The following QRICH1 variants were observed in gnomAD, a reference collection of about 807,000 sequenced individuals.
QRICH1 encodes the protein glutamine rich 1, also known as transcriptional regulator QRICH1.
QRICH1 carries 16 observed loss-of-function variants against 87.1 expected under a neutral mutation model. That is an observed-to-expected ratio of 0.18 (90% confidence interval 0.12 to 0.28). QRICH1 has a LOEUF of 0.28. QRICH1 is among the 10% of genes least tolerant of loss of function. The probability of loss-of-function intolerance (pLI) is 1.00; values close to 1 mark genes in which losing one functional copy is unlikely to be tolerated. For synonymous variants in QRICH1, 367 were observed against 368.4 expected, an observed-to-expected ratio of 1.00 and a Z score of 0.05; for missense variants, 647 against 951.7, an observed-to-expected ratio of 0.68 and a Z score of 4.21.
chr3:49,031,196 C>T (rs931254491), intron 9 of QRICH1, among the ~76,000 whole-genome samples: 2 of 151,982 alleles, frequency 1.3e-5, no homozygotes, highest in African/African-American at 4.8e-5. Context: ...CCATGTTGGC[C>T]AGGCTGGTCT....
rs1462907238 is a variant in QRICH1 at position 49,046,572 on chromosome 3, T to C, written c.1524A>G (p.Gln508=). Residue 508 remains glutamine, a synonymous_variant, in exon 5 of 10, where the codon CAA becomes CAG. Coordinates refer to ENST00000395443, the MANE Select transcript of QRICH1 (RefSeq NM_198880.3). The stretch of plus-strand genomic sequence containing the variant: ...TGAGATCTTCCTGGAATCGCAGCAG[T>C]TGGCGCCCTGCAACGGAAGCCTCAA... The part of the protein sequence containing the change: ...QNRLAPIGRR[Q]LLRFQEDLIS... 2 of 1,613,116 alleles carry C rather than the reference T, an allele frequency of 1.2e-6. No homozygotes were observed. Among genetic ancestry groups the C allele is most frequent in the African/African-American group, 1.3e-5 (1 of 74,890 alleles).
rs754086551 is a variant in QRICH1, at chr3:49,032,723, T to C, written c.1946A>G (p.Lys649Arg). 8 of 1,610,984 alleles carry C rather than the reference T, an allele frequency of 5.0e-6. No homozygotes were observed. Among genetic ancestry groups the C allele is most frequent in the African/African-American group, 1.3e-5 (1 of 74,734 alleles). Residue 649 changes from lysine to arginine, a missense_variant, in exon 8 of 10, where the codon AAG becomes AGG. Coordinates refer to ENST00000395443, the MANE Select transcript of QRICH1 (RefSeq NM_198880.3). ...GTTCTTCTTTGTCTGTCGCAAGACC[T>C]TGGAGAAGGCCAGCTTCATGTGCTG... is the stretch of plus-strand genomic sequence containing the variant. ...VDQHMKLAFS[K>R]VLRQTKKNPS...
At position 49,051,626 on chromosome 3, in the gene QRICH1, C is replaced by G. The variant is rs1314414221; in HGVS notation, c.1339-4380G>C. 6.3e-5 allele frequency among the ~76,000 whole-genome samples: 8 copies of G among 126,466 alleles called. No individual in the cohort carries two copies. The Admixed American group carries it at 7.0e-4, about 11-fold the overall frequency. The allele number at this position is 126,466 out of a possible 152,430, so 83.0% of individuals were successfully genotyped here. ...CTTAATATACCTAGTGGGTACTATA[C>G]ATCTCCAACTGAACAACTCATAGCC... On this transcript the variant is annotated intron_variant, in intron 3 of 9. Transcript: ENST00000395443.
At chr3:49,066,921 C>A (rs2093471926) in intron 2 of QRICH1, among the ~76,000 whole-genome samples, 1 of 151,572 alleles carries the variant, frequency 6.6e-6, no homozygotes, top group East Asian at 2.0e-4. Context: ...ACCTGTAATC[C>A]CAGCGACTCA....
intron 2 of QRICH1, among the ~76,000 whole-genome samples, chr3:49,074,779 C>A (rs1432435000): frequency 6.6e-6 from 1 of 150,808 alleles, no homozygotes; most frequent in Non-Finnish European, 1.5e-5. Context: ...GAGATCGAGA[C>A]CATCCTGGCT....
In QRICH1 at chr3:49,062,729, C is replaced by T. The variant is rs569747103; in HGVS notation, c.310-4839G>A. Among the ~76,000 whole-genome samples, 270 of 150,780 alleles carry T rather than the reference C, an allele frequency of 1.8e-3. 3 individuals are homozygous for T. Among genetic ancestry groups the T allele is most frequent in the Admixed American group, 9.9e-3 (150 of 15,142 alleles). On this transcript the variant is annotated intron_variant, in intron 2 of 9. Coordinates refer to ENST00000395443, the MANE Select transcript of QRICH1 (RefSeq NM_198880.3). ...CTAAGTATATTTTTTAAAAAAAGGC[C>T]GGGCGCTGTGGCTCACACCTGTAAT...
At chr3:49,031,998 G>C (rs1292322968) in intron 9 of QRICH1, among the ~76,000 whole-genome samples, 185 bp downstream of exon 9, 1 of 152,184 alleles carries the variant, frequency 6.6e-6, no homozygotes, top group Non-Finnish European at 1.5e-5. Flanking sequence ...TCAGTGCTAG[G>C]CACATCACAC....
rs2093406084 is a variant in QRICH1 at position 49,056,972 on chromosome 3, C to T, written c.1228G>A (p.Ala410Thr). 3 of 1,614,164 alleles carry T rather than the reference C, an allele frequency of 1.9e-6. No individual in the cohort carries two copies. The highest frequency in any genetic ancestry group is 1.7e-6 in the Non-Finnish European group (2 of 1,180,034). The change falls in exon 3 of 10, where the codon GCT becomes ACT. Residue 410 changes from alanine to threonine, a missense_variant. By Grantham distance (58) the Ala-to-Thr change is moderately conservative. Coordinates refer to ENST00000395443, the MANE Select transcript of QRICH1 (RefSeq NM_198880.3). ...GGGTCCCATATATGGACAGTTTGAG[C>T]CGTATTCTGGTACGTGCCTGCCACA... The part of the protein sequence containing the change: ...QAVAGTYQNT[A>T]QTVHIWDPQQ...
chr3:49,051,754 A>C lies in QRICH1; in HGVS notation c.1339-4508T>G, dbSNP rs191511400. Among the ~76,000 whole-genome samples the C allele has an allele frequency of 2.5e-4, 38 of 152,284 alleles. No individual in the cohort carries two copies. The Middle Eastern group carries it at 0.014, about 55-fold the overall frequency. On this transcript the variant is annotated intron_variant, in intron 3 of 9. Transcript: ENST00000395443. Reference sequence around the variant, plus strand: ...CGTTCAATGGCAACATCATTTACCCAAACTGGAAATCCAGGAGTCTGGCTG... The same window carrying C: ...CGTTCAATGGCAACATCATTTACCCCAACTGGAAATCCAGGAGTCTGGCTG...
chr3:49,031,208 G>A (rs1046983199), intron 9 of QRICH1, among the ~76,000 whole-genome samples: 3 of 151,928 alleles, frequency 2.0e-5, no homozygotes, highest in Non-Finnish European at 4.4e-5. Context: ...GGCTGGTCTC[G>A]AACTCCTGAC....
chr3:49,075,787 A>T (rs1413412837), intron 2 of QRICH1, among the ~76,000 whole-genome samples: 1 of 152,142 alleles, frequency 6.6e-6, no homozygotes, highest in Non-Finnish European at 1.5e-5. Context: ...TAAAAATACA[A>T]CAAAAATTGC....
chr3:49,050,767 T>C (rs1334840633), intron 3 of QRICH1, among the ~76,000 whole-genome samples: 2 of 152,146 alleles, frequency 1.3e-5, no homozygotes, highest in African/African-American at 4.8e-5. Flanking sequence ...TTCCATGAAC[T>C]GCCAACCATC....
intron 1 of QRICH1, among the ~76,000 whole-genome samples, chr3:49,085,130 A>G (rs1285001328): frequency 2.0e-5 from 3 of 151,982 alleles, no homozygotes; most frequent in African/African-American, 7.2e-5. Context: ...GCGACAGAGC[A>G]AGACTCCGTC....
At chr3:49,065,439 C>T (rs2093462410) in intron 2 of QRICH1, among the ~76,000 whole-genome samples, 3 of 152,158 alleles carry the variant, frequency 2.0e-5, no homozygotes, top group African/African-American at 7.2e-5. Flanking sequence ...AGCCACTGCG[C>T]CTGACCCATT....
intron 1 of QRICH1, chr3:49,093,624 C>A (rs1158825507): frequency 6.3e-6 from 1 of 159,208 alleles, no homozygotes; most frequent in Non-Finnish European, 1.4e-5. Context: ...CGTCGGCGGC[C>A]ACGCGCACCG....
chr3:49,082,650 C>G (rs2042083605), intron 1 of QRICH1, among the ~76,000 whole-genome samples: 1 of 151,748 alleles, frequency 6.6e-6, no homozygotes, highest in African/African-American at 2.4e-5. Context: ...AATCCCAGCA[C>G]TTTGGGAGGC....
At chr3:49,044,261 G>T (rs546027384) in intron 6 of QRICH1, 129 bp downstream of exon 6, 1 of 732,946 alleles carries the variant, frequency 1.4e-6, no homozygotes, top group Non-Finnish European at 2.3e-6. Context: ...TAGCACAGTG[G>T]CCAATGCTGC....
At chr3:49,081,996 C>A (rs1000745405) in intron 1 of QRICH1, among the ~76,000 whole-genome samples, 1 of 152,144 alleles carries the variant, frequency 6.6e-6, no homozygotes, top group African/African-American at 2.4e-5. Flanking sequence ...TTAGTAGAGA[C>A]AGGGTATCAC....
intron 2 of QRICH1, among the ~76,000 whole-genome samples, chr3:49,064,384 G>A (rs1422913476): frequency 6.6e-6 from 1 of 151,790 alleles, no homozygotes; most frequent in Non-Finnish European, 1.5e-5. Context: ...TGGGATTATA[G>A]GTGCCCACCA....
Sources: allele counts gnomAD v4.1 joint callset (sites outside exome capture counted in the v4.1 genomes callset), GRCh38; gene constraint gnomAD v4.1.1; transcripts MANE v1.5; gene names NCBI Gene and HGNC (gene_info 2026-07-23, HGNC 2026-07-21).